The following MAN2B2 variants were observed in gnomAD, a reference collection of about 807,000 sequenced individuals.
The protein encoded by MAN2B2 is mannosidase alpha class 2B member 2, also known as epididymis-specific alpha-mannosidase.
A neutral mutation model predicts 117.1 loss-of-function variants in MAN2B2; 106 were observed. The observed-to-expected ratio is 0.90, with a 90% CI of 0.77 to 1.06. MAN2B2 has a LOEUF of 1.06. Ranked by LOEUF, MAN2B2 falls within the 50% of genes least tolerant of loss-of-function variation. The pLI, the probability that MAN2B2 is intolerant of heterozygous loss-of-function variation, is 0.00. For missense variants in MAN2B2, 1,326 were observed against 1,381.4 expected (o/e 0.96, Z 0.64); for synonymous variants, 544 against 595.1 (o/e 0.91, Z 1.25).
intron 11 of MAN2B2, among the ~76,000 whole-genome samples, chr4:6,607,867 G>C (rs1387740384): frequency 6.6e-6 from 1 of 152,160 alleles, no homozygotes; most frequent in South Asian, 2.1e-4. Context: ...TGAGGGTTCT[G>C]ATTTCTTCAC....
Position 6,619,924 on chromosome 4 carries a change from C to A in MAN2B2, c.2815-3C>A, listed in dbSNP as rs762648663. ...CACTCTCCCTCTGCTCCTCTCCCTG[C>A]AGGCTGTGCTGCAGGCGCTGGGGTC... On this transcript the variant is annotated splice_region_variant and splice_polypyrimidine_tract_variant and intron_variant, in intron 17 of 18. Transcript: ENST00000285599. 1.9e-6 allele frequency: 3 copies of A among 1,613,016 alleles called. No homozygotes were observed. The highest frequency in any genetic ancestry group is 2.5e-6 in the Non-Finnish European group (3 of 1,179,252).
intron 1 of MAN2B2, among the ~76,000 whole-genome samples, chr4:6,576,096 G>A (rs1371698710): frequency 6.6e-6 from 1 of 152,192 alleles, no homozygotes; most frequent in Non-Finnish European, 1.5e-5. Context: ...CAGCCTTGGG[G>A]AGGCAGACGC....
chr4:6,586,864 C>A (rs951259112), intron 3 of MAN2B2, 132 bp from the exon 4 acceptor site: 2 of 713,370 alleles, frequency 2.8e-6, no homozygotes, highest in Non-Finnish European at 2.4e-6. Flanking sequence ...CTCTGCAGTT[C>A]TGCATGACCC....
chr4:6,586,021 G>A (rs894653748), intron 3 of MAN2B2, among the ~76,000 whole-genome samples: 8 of 151,748 alleles, frequency 5.3e-5, no homozygotes, highest in Admixed American at 2.0e-4. Flanking sequence ...TGTTGAAGAC[G>A]CAGCAATAAT....
At chr4:6,578,247 G>C (rs1156685819) in intron 2 of MAN2B2, 146 bp from the exon 3 acceptor site, 1 of 635,620 alleles carries the variant, frequency 1.6e-6, no homozygotes, top group Non-Finnish European at 2.9e-6. Context: ...TGTGGACCAG[G>C]ACAGACAGTG....
Position 6,609,162 on chromosome 4 carries a change from G to T in MAN2B2, c.1870G>T (p.Gly624Trp). The change falls in exon 12 of 19, where the codon GGG becomes TGG. Residue 624 changes from glycine to tryptophan, a missense_variant. By Grantham distance (184) the Gly-to-Trp change is radical. Coordinates refer to ENST00000285599, the MANE Select transcript of MAN2B2 (RefSeq NM_015274.3). ...GGAATTCCTGGAGTACCACGTCAAC[G>T]GGGATGTGAAACAGGGCCCCATTTC... Reference protein sequence around the residue: ...TQEFLEYHVNGDVKQGPISDN... With the variant: ...TQEFLEYHVNWDVKQGPISDN... 1 of 1,614,186 alleles carries T rather than the reference G, an allele frequency of 6.2e-7. No homozygotes were observed. Among genetic ancestry groups the T allele is most frequent in the Non-Finnish European group, 8.5e-7 (1 of 1,180,010 alleles).
intron 15 of MAN2B2, 71 bp from the exon 16 acceptor site, chr4:6,614,147 C>G: frequency 6.4e-7 from 1 of 1,567,196 alleles, no homozygotes; most frequent in Non-Finnish European, 8.7e-7. Context: ...ATGTAATGTG[C>G]AGAGCTCTGA....
At chr4:6,589,577 A>C (rs1179846240) in intron 5 of MAN2B2, among the ~76,000 whole-genome samples, 5 of 152,146 alleles carry the variant, frequency 3.3e-5, no homozygotes, top group African/African-American at 1.2e-4. Flanking sequence ...CCTTAAGCAC[A>C]TGGTGTCCCA....
chr4:6,588,161 A>G (rs1726715145), intron 4 of MAN2B2, among the ~76,000 whole-genome samples: 1 of 152,136 alleles, frequency 6.6e-6, no homozygotes, highest in Non-Finnish European at 1.5e-5. Context: ...GACTCAAGCA[A>G]TAGAAACATA....
chr4:6,576,771 G>T (rs2108854896), intron 2 of MAN2B2, 47 bp downstream of exon 2: 3 of 1,603,764 alleles, frequency 1.9e-6, no homozygotes, highest in East Asian at 4.5e-5. Flanking sequence ...TCCTGGCAAA[G>T]ACCCAGGTGG....
chr4:6,621,231 C>T lies in MAN2B2; in HGVS notation c.2976C>T (p.Ile992=), dbSNP rs2108763269. 1 of 1,614,122 alleles carries T rather than the reference C, an allele frequency of 6.2e-7. No individual in the cohort carries two copies. The highest frequency in any genetic ancestry group is 8.5e-7 in the Non-Finnish European group (1 of 1,180,000). The change falls in exon 19 of 19, where the codon ATC becomes ATT. Residue 992 remains isoleucine, a synonymous_variant. Coordinates refer to ENST00000285599, the MANE Select transcript of MAN2B2 (RefSeq NM_015274.3). The part of the protein sequence containing the change: ...SPSRPPGGPI[I]TVHPKEIRTF... ...CGAGGCCACCAGGAGGCCCCATCAT[C>T]ACCGTCCACCCAAAGGAAATCCGGA...
intron 9 of MAN2B2, among the ~76,000 whole-genome samples, chr4:6,599,022 G>A (rs1018210325): frequency 6.6e-6 from 1 of 152,226 alleles, no homozygotes; most frequent in African/African-American, 2.4e-5. Flanking sequence ...GCGGCCCTCC[G>A]CCCGCATGAG....
chr4:6,593,492 C>A (rs1181074791), intron 6 of MAN2B2, 142 bp downstream of exon 6: 2 of 820,586 alleles, frequency 2.4e-6, no homozygotes, highest in Non-Finnish European at 3.6e-6. Flanking sequence ...TCCTTCCCTG[C>A]AGACCCCTGG....
intron 1 of MAN2B2, among the ~76,000 whole-genome samples, chr4:6,576,311 G>C (rs1161096453): frequency 6.6e-6 from 1 of 152,180 alleles, no homozygotes; most frequent in African/African-American, 2.4e-5. Flanking sequence ...CTGAGAAACT[G>C]TCCCTGACCC....
chr4:6,610,106 T>A, intron 13 of MAN2B2, 56 bp downstream of exon 13: 1 of 1,598,338 alleles, frequency 6.3e-7, no homozygotes, highest in East Asian at 2.2e-5. Context: ...CCTGGACCCA[T>A]TAAGCATCAA....
At position 6,607,540 on chromosome 4, in the gene MAN2B2, T is replaced by C. The variant is rs116848559; in HGVS notation, c.1815-1567T>C. ...TTAGCATGTTTTCAAGGTTCATCAG[T>C]ATCGTAGCACGTATCAGTACTTCGT... On this transcript the variant is annotated intron_variant, in intron 11 of 18. Coordinates refer to ENST00000285599, the MANE Select transcript of MAN2B2 (RefSeq NM_015274.3). Among the ~76,000 whole-genome samples, 35 of 152,366 alleles carry C rather than the reference T, an allele frequency of 2.3e-4. No individual in the cohort carries two copies. In the East Asian group the frequency reaches 6.0e-3, roughly 26 times the overall value.
At position 6,585,883 on chromosome 4, in the gene MAN2B2, G is replaced by A. The variant is rs77246167; in HGVS notation, c.392-1113G>A. On this transcript the variant is annotated intron_variant, in intron 3 of 18. Coordinates refer to ENST00000285599, the MANE Select transcript of MAN2B2 (RefSeq NM_015274.3). ...GCAGCGACCCAGGAGAGCAGGCAAG[G>A]GCAGCCACAGTAGAAGCTGTGTGCC... is the stretch of plus-strand genomic sequence containing the variant. Among the ~76,000 whole-genome samples, 1,315 of 152,222 alleles carry A rather than the reference G, an allele frequency of 8.6e-3. 20 individuals are homozygous for A. The highest frequency in any genetic ancestry group is 0.029 in the African/African-American group (1,223 of 41,532).
chr4:6,582,318 A>AGTT (rs1288783879), intron 3 of MAN2B2, among the ~76,000 whole-genome samples: 1 of 151,856 alleles, frequency 6.6e-6, no homozygotes, highest in Non-Finnish European at 1.5e-5. Flanking sequence ...AGCAGTATTT[A>AGTT]GTTGTTGTTG....
chr4:6,586,929 G>A (rs1432734588), intron 3 of MAN2B2, 67 bp from the exon 4 acceptor site: 10 of 1,506,724 alleles, frequency 6.6e-6, no homozygotes, highest in Non-Finnish European at 9.1e-6. Context: ...GTCCCCTGGG[G>A]TGAGGATGGG....
Sources: gnomAD v4.1 joint callset for allele counts (sites outside exome capture counted in the v4.1 genomes callset) on GRCh38, gnomAD v4.1.1 for gene constraint, MANE v1.5 for transcripts, NCBI Gene and HGNC (gene_info 2026-07-23, HGNC 2026-07-21) for gene names.